The following PLAG1 variants were observed in gnomAD, a reference collection of about 807,000 sequenced individuals.
PLAG1 encodes the protein PLAG1 zinc finger, also known as zinc finger protein PLAG1.
In PLAG1, 7 loss-of-function variants were observed where a neutral mutation model predicts 35.5. That is an observed-to-expected ratio of 0.20 (90% CI 0.11 to 0.37). The LOEUF (loss-of-function observed/expected upper bound fraction) is 0.37. PLAG1 is among the 10% of genes least tolerant of loss of function. PLAG1 has a pLI of 1.00. For missense variants in PLAG1, 454 were observed against 602.8 expected, an observed-to-expected ratio of 0.75 and a Z score of 2.58; for synonymous variants, 229 against 225.4, an observed-to-expected ratio of 1.02 and a Z score of -0.14.
rs10534078 is a variant in PLAG1, at chr8:56,196,951, CGTGTGTGTGT to C, written c.-322+14160_-322+14169del. On this transcript the variant is annotated intron_variant, in intron 1 of 4. Transcript: ENST00000316981. ...AGGCACCCTCTCCCTCCCTAGTGTGCGTGTGTGTGTGTGTGTGTGTGTGTGTGTGTGTGTG... is the reference window on the plus strand; with the variant it reads ...AGGCACCCTCTCCCTCCCTAGTGTGCGTGTGTGTGTGTGTGTGTGTGTGTG... 1.2e-3 allele frequency among the ~76,000 whole-genome samples: 166 copies of C among 143,026 alleles called. 1 individual carries two copies. Among genetic ancestry groups the C allele is most frequent in the Admixed American group, 2.2e-3 (33 of 14,676 alleles). 93.8% of individuals were successfully genotyped at this position (143,026 alleles called of 152,430 possible).
At chr8:56,207,840 G>A (rs1376770692) in intron 1 of PLAG1, among the ~76,000 whole-genome samples, 2 of 152,060 alleles carry the variant, frequency 1.3e-5, no homozygotes, top group African/African-American at 4.8e-5. Context: ...ATCTAAATAA[G>A]ACTCTCTAAG....
intron 1 of PLAG1, among the ~76,000 whole-genome samples, chr8:56,210,569 T>G (rs1812855074): frequency 6.6e-6 from 1 of 152,186 alleles, no homozygotes; most frequent in African/African-American, 2.4e-5. Context: ...TCACTCAAAG[T>G]GCCCCCCAAA....
Position 56,164,353 on chromosome 8 carries a change from T to G in PLAG1, c.*1890A>C, listed in dbSNP as rs1401398757. Reference sequence around the variant, plus strand: ...GTGTGTGTGTATTATATATATATATTGAAGCCCCCATTTACATTATTACAA... The same window carrying G: ...GTGTGTGTGTATTATATATATATATGGAAGCCCCCATTTACATTATTACAA... On this transcript the variant is annotated 3_prime_UTR_variant, in exon 5 of 5. Coordinates refer to ENST00000316981, the MANE Select transcript of PLAG1 (RefSeq NM_002655.3). 9.2e-6 allele frequency: 2 copies of G among 218,020 alleles called. No individual in the cohort carries two copies. The highest frequency in any genetic ancestry group is 4.5e-5 in the African/African-American group (2 of 44,438). 13.5% of individuals were successfully genotyped at this position (218,020 alleles called of 1,614,324 possible).
intron 2 of PLAG1, among the ~76,000 whole-genome samples, chr8:56,178,622 G>A (rs1324770626): frequency 1.3e-5 from 2 of 152,018 alleles, no homozygotes; most frequent in Non-Finnish European, 2.9e-5. Flanking sequence ...CCTGCCCAAG[G>A]CCTCCTTTCC....
chr8:56,200,018 T>C (rs1812504528), intron 1 of PLAG1, among the ~76,000 whole-genome samples: 1 of 152,142 alleles, frequency 6.6e-6, no homozygotes, highest in Non-Finnish European at 1.5e-5. Context: ...CTTCGGGACC[T>C]GATGCCTCCT....
At chr8:56,207,048 A>G (rs1202018386) in intron 1 of PLAG1, among the ~76,000 whole-genome samples, 3 of 152,050 alleles carry the variant, frequency 2.0e-5, no homozygotes, top group Non-Finnish European at 2.9e-5. Flanking sequence ...CAATGTAAGT[A>G]AGTTTCTTCA....
intron 1 of PLAG1, among the ~76,000 whole-genome samples, chr8:56,192,060 C>T (rs1040839564): frequency 2.0e-5 from 3 of 152,002 alleles, no homozygotes; most frequent in Non-Finnish European, 4.4e-5. Context: ...ATGGAAAACA[C>T]GAAGGACAAA....
intron 2 of PLAG1, among the ~76,000 whole-genome samples, chr8:56,178,772 T>C (rs1194933084): frequency 1.3e-5 from 2 of 152,058 alleles, no homozygotes; most frequent in African/African-American, 2.4e-5. Flanking sequence ...AAGGTCGTAC[T>C]GACAGACTTA....
At chr8:56,203,810 C>A (rs956468327) in intron 1 of PLAG1, among the ~76,000 whole-genome samples, 6 of 151,810 alleles carry the variant, frequency 4.0e-5, no homozygotes, top group African/African-American at 1.2e-4. Context: ...TAAAATGCTA[C>A]CAACATTAGA....
Position 56,182,060 on chromosome 8 carries a change from C to T in PLAG1, c.-321-2547G>A, listed in dbSNP as rs556459221. Among the ~76,000 whole-genome samples, 12 of 152,208 alleles carry T rather than the reference C, an allele frequency of 7.9e-5. No individual in the cohort carries two copies. The South Asian group carries it at 1.0e-3, about 13-fold the overall frequency. The stretch of plus-strand genomic sequence containing the variant: ...TGAAGTGTAATTTATACATGCTGTA[C>T]GGATTCAGATGAGAAAAGTGCCCAA... On this transcript the variant is annotated intron_variant, in intron 1 of 4. Coordinates refer to ENST00000316981, the MANE Select transcript of PLAG1 (RefSeq NM_002655.3).
chr8:56,185,835 T>G (rs1332720004), intron 1 of PLAG1, among the ~76,000 whole-genome samples: 2 of 152,242 alleles, frequency 1.3e-5, no homozygotes, highest in Non-Finnish European at 2.9e-5. Flanking sequence ...AAGTACCCCC[T>G]GAAGTGTTTC....
Position 56,163,909 on chromosome 8 carries a change from T to A in PLAG1, c.*2334A>T. 5.5e-6 allele frequency: 1 copy of A among 183,478 alleles called. No individual in the cohort carries two copies. The highest frequency in any genetic ancestry group is 1.2e-5 in the Non-Finnish European group (1 of 85,994). The allele number at this position is 183,478 out of a possible 1,614,324, so 11.4% of individuals were successfully genotyped here. A position where few individuals can be genotyped will look rare whatever the true frequency, so the allele number is the denominator to read the frequency against. On this transcript the variant is annotated 3_prime_UTR_variant, in exon 5 of 5. Coordinates refer to ENST00000316981, the MANE Select transcript of PLAG1 (RefSeq NM_002655.3). ...TTTGTGATTTCTATTTAAAAATAGG[T>A]TTTCTATTTGTGCTCTGTCACCAAT... is the stretch of plus-strand genomic sequence containing the variant.
chr8:56,176,216 A>C (rs1405264272), intron 2 of PLAG1, among the ~76,000 whole-genome samples: 1 of 151,868 alleles, frequency 6.6e-6, no homozygotes. Flanking sequence ...TACCCGGCTA[A>C]TTTTTTGTTA....
At chr8:56,176,982 C>G (rs1483266856) in intron 2 of PLAG1, among the ~76,000 whole-genome samples, 3 of 152,162 alleles carry the variant, frequency 2.0e-5, no homozygotes, top group African/African-American at 7.2e-5. Flanking sequence ...GTCAAGCACC[C>G]ATACTGAATC....
intron 1 of PLAG1, among the ~76,000 whole-genome samples, chr8:56,190,301 A>G (rs1812145566): frequency 6.6e-6 from 1 of 152,136 alleles, no homozygotes; most frequent in Non-Finnish European, 1.5e-5. Flanking sequence ...AGGAGGGACT[A>G]TCTGGAGAAT....
chr8:56,178,845 C>T (rs1363945987), intron 2 of PLAG1, among the ~76,000 whole-genome samples: 1 of 151,982 alleles, frequency 6.6e-6, no homozygotes, highest in Non-Finnish European at 1.5e-5. Context: ...TTCTGTGACA[C>T]TGAGCTGCGC....
intron 1 of PLAG1, among the ~76,000 whole-genome samples, chr8:56,185,860 A>G (rs1585800844): frequency 6.6e-6 from 1 of 152,254 alleles, no homozygotes; most frequent in African/African-American, 2.4e-5. Context: ...CAGCCTCTGC[A>G]TAGCCTTTTA....
intron 2 of PLAG1, among the ~76,000 whole-genome samples, chr8:56,172,152 T>A (rs1811547511): frequency 6.6e-6 from 1 of 152,198 alleles, no homozygotes; most frequent in Non-Finnish European, 1.5e-5. Context: ...AAAATAACTT[T>A]CAGATTCTTA....
intron 1 of PLAG1, among the ~76,000 whole-genome samples, chr8:56,197,861 C>G (rs188935921): frequency 1.3e-5 from 2 of 152,146 alleles, no homozygotes; most frequent in Admixed American, 1.3e-4. Flanking sequence ...TTGCGCAGGG[C>G]TTAGCTATGG....
Sources: gnomAD v4.1 joint callset for allele counts (sites outside exome capture counted in the v4.1 genomes callset) on GRCh38, gnomAD v4.1.1 for gene constraint, MANE v1.5 for transcripts, NCBI Gene and HGNC (gene_info 2026-07-23, HGNC 2026-07-21) for gene names.